Variants in NF1 observed in about 807,000 individuals in gnomAD.
NF1 encodes the protein neurofibromin.
In NF1, 122 loss-of-function variants were observed where a neutral mutation model predicts 325.7. The observed-to-expected ratio is 0.37, with a 90% CI of 0.32 to 0.44. The LOEUF (loss-of-function observed/expected upper bound fraction) is 0.44, where lower values mean the gene tolerates loss of function less well. Ranked by LOEUF, NF1 falls within the 20% of genes least tolerant of loss-of-function variation. The probability of loss-of-function intolerance (pLI) is 1.00; values close to 1 mark genes in which losing one functional copy is unlikely to be tolerated. For synonymous variants in NF1, 1,091 were observed against 1,186.0 expected (o/e 0.92, Z 1.65); for missense variants, 2,140 against 3,415.4 (o/e 0.63, Z 9.31).
At chr17:31,117,828 A>C (rs965017845) in intron 1 of NF1, among the ~76,000 whole-genome samples, 3 of 152,170 alleles carry the variant, frequency 2.0e-5, no homozygotes, top group African/African-American at 7.2e-5. Context: ...ATATGGCAGA[A>C]TGTCCCTTGT....
intron 8 of NF1, among the ~76,000 whole-genome samples, chr17:31,188,799 C>G (rs1204811163): frequency 6.6e-6 from 1 of 152,168 alleles, no homozygotes; most frequent in East Asian, 1.9e-4. Context: ...GGCCTAGCCT[C>G]CCAGCCTCCA....
chr17:31,114,776 C>T (rs771182509), intron 1 of NF1, among the ~76,000 whole-genome samples: 5 of 151,974 alleles, frequency 3.3e-5, no homozygotes, highest in Admixed American at 1.3e-4. Context: ...ATCACTTGAA[C>T]CCGGGAGGTG....
chr17:31,208,959 A>G (rs2066673464), intron 12 of NF1, among the ~76,000 whole-genome samples: 3 of 152,168 alleles, frequency 2.0e-5, no homozygotes. Flanking sequence ...GCAAATATAT[A>G]TAATAAATGG....
Position 31,158,994 on chromosome 17 carries a change from A to G in NF1, c.205-16A>G, listed in dbSNP as rs2143645089. The G allele has an allele frequency of 6.8e-7, 1 of 1,475,788 alleles. No homozygotes were observed. 91.4% of individuals were successfully genotyped at this position (1,475,788 alleles called of 1,614,324 possible). On this transcript the variant is annotated splice_polypyrimidine_tract_variant and intron_variant, in intron 2 of 57. Transcript: ENST00000358273. ...AGTGAAACTAACTTTTATGTTCTGAATATCTTTTCTGTTAGAGAATATTTG... is the reference window on the plus strand; with the variant it reads ...AGTGAAACTAACTTTTATGTTCTGAGTATCTTTTCTGTTAGAGAATATTTG...
At chr17:31,338,566 C>T in intron 45 of NF1, 138 bp from the exon 46 acceptor site, 1 of 664,692 alleles carries the variant, frequency 1.5e-6, no homozygotes, top group African/African-American at 1.8e-5. Context: ...AGCTAGCTAC[C>T]AAGATCACCA....
chr17:31,095,014 G>A lies in NF1; in HGVS notation c.-296G>A, dbSNP rs1598173172. ...GTGTCATGGCGGCGTCTCGGACTGT[G>A]ATGGCTGTGGGGAGACGGCGCTAGT... On this transcript the variant is annotated 5_prime_UTR_variant, in exon 1 of 58. Coordinates refer to ENST00000358273, the MANE Select transcript of NF1 (RefSeq NM_001042492.3). The A allele has an allele frequency of 7.0e-6, 4 of 568,818 alleles. No homozygotes were observed. In the East Asian group the frequency reaches 9.2e-5, roughly 13 times the overall value. The allele number at this position is 568,818 out of a possible 1,614,324, so 35.2% of individuals were successfully genotyped here.
chr17:31,183,136 C>T (rs2066168566), intron 8 of NF1: 2 of 306,054 alleles, frequency 6.5e-6, no homozygotes, highest in Non-Finnish European at 1.2e-5. Flanking sequence ...CTCGCATATA[C>T]CATCTATAGT....
At chr17:31,240,250 G>C (rs886661904) in intron 29 of NF1, among the ~76,000 whole-genome samples, 1 of 151,540 alleles carries the variant, frequency 6.6e-6, no homozygotes, top group Admixed American at 6.6e-5. Flanking sequence ...CCCAGCCTCT[G>C]GGTAACTATC....
At chr17:31,362,221 T>G in intron 57 of NF1, 1 of 745,224 alleles carries the variant, frequency 1.3e-6, no homozygotes, top group Non-Finnish European at 1.6e-6. Flanking sequence ...CTGCTTCTGG[T>G]CTTGCCCATT....
At chr17:31,308,396 C>T (rs1360299444) in intron 36 of NF1, among the ~76,000 whole-genome samples, 1 of 152,146 alleles carries the variant, frequency 6.6e-6, no homozygotes, top group African/African-American at 2.4e-5. Flanking sequence ...CCGCCTCAGC[C>T]TCCCAAAATG....
At chr17:31,334,773 A>G (rs760085714) in intron 39 of NF1, 65 bp from the exon 40 acceptor site, 25 of 1,309,712 alleles carry the variant, frequency 1.9e-5, no homozygotes, top group Non-Finnish European at 2.8e-5. Context: ...CGAATTCTTT[A>G]TGTTAAATAA....
chr17:31,253,092 T>C, intron 31 of NF1, 92 bp downstream of exon 31: 2 of 982,164 alleles, frequency 2.0e-6, no homozygotes, highest in Non-Finnish European at 3.2e-6. Context: ...TTCAGCCTAT[T>C]TGACCTTCAC....
chr17:31,231,363 A>G (rs539713646), intron 24 of NF1, among the ~76,000 whole-genome samples: 5 of 152,364 alleles, frequency 3.3e-5, no homozygotes, highest in African/African-American at 9.6e-5. Context: ...TTATTGACAC[A>G]TATCAGAAAA....
chr17:31,218,938 C>G, intron 13 of NF1, 67 bp from the exon 14 acceptor site: 213 of 1,420,252 alleles, frequency 1.5e-4, no homozygotes, highest in Non-Finnish European at 1.9e-4. Flanking sequence ...CTGTCTATTT[C>G]TTCCTCCTTC....
At chr17:31,160,910 C>T (rs937039858) in intron 3 of NF1, among the ~76,000 whole-genome samples, 6 of 152,058 alleles carry the variant, frequency 3.9e-5, no homozygotes, top group South Asian at 2.1e-4. Flanking sequence ...ATTATCTTGC[C>T]GTGCTCTACT....
chr17:31,198,392 C>T (rs989698648), intron 8 of NF1, among the ~76,000 whole-genome samples: 2 of 152,018 alleles, frequency 1.3e-5, no homozygotes, highest in Admixed American at 1.3e-4. Flanking sequence ...TGGTCCTAGC[C>T]TTTTCTTTGG....
intron 3 of NF1, among the ~76,000 whole-genome samples, chr17:31,162,845 C>T (rs942960843): frequency 7.9e-5 from 12 of 152,210 alleles, no homozygotes; most frequent in African/African-American, 2.9e-4. Context: ...TGAATTAAGT[C>T]GATTCTGTAA....
intron 1 of NF1, among the ~76,000 whole-genome samples, chr17:31,101,693 T>G (rs1912354286): frequency 6.6e-6 from 1 of 152,148 alleles, no homozygotes; most frequent in Non-Finnish European, 1.5e-5. Flanking sequence ...TGTCCATCCT[T>G]CAATGTTCAG....
intron 1 of NF1, among the ~76,000 whole-genome samples, chr17:31,135,181 C>G (rs1043098748): frequency 6.6e-6 from 1 of 152,140 alleles, no homozygotes; most frequent in Non-Finnish European, 1.5e-5. Context: ...GGAAATCTTT[C>G]ACTGAATTAG....
Sources: gnomAD v4.1 joint callset for allele counts (sites outside exome capture counted in the v4.1 genomes callset) on GRCh38, gnomAD v4.1.1 for gene constraint, MANE v1.5 for transcripts, NCBI Gene and HGNC (gene_info 2026-07-23, HGNC 2026-07-21) for gene names.